The following OPCML variants were observed in gnomAD, a reference collection of about 807,000 sequenced individuals.
OPCML encodes opioid binding protein/cell adhesion molecule like, also known as opioid-binding protein/cell adhesion molecule.
OPCML carries 13 observed loss-of-function variants against 37.8 expected under a neutral mutation model. That is an observed-to-expected ratio of 0.34 (90% CI 0.22 to 0.55). OPCML has a LOEUF of 0.55. OPCML is among the 20% of genes least tolerant of loss of function. The pLI, the probability that OPCML is intolerant of heterozygous loss-of-function variation, is 0.91. For missense variants in OPCML, 341 were observed against 435.6 expected (o/e 0.78, Z 1.93); for synonymous variants, 176 against 168.8 (o/e 1.04, Z -0.33).
intron 1 of OPCML, among the ~76,000 whole-genome samples, chr11:133,406,047 A>G (rs1472580763): frequency 6.6e-6 from 1 of 152,056 alleles, no homozygotes; most frequent in African/African-American, 2.4e-5. Flanking sequence ...CAGTCGGTCC[A>G]CTGGGTACGG....
chr11:133,148,473 G>A (rs200046550), intron 1 of OPCML, among the ~76,000 whole-genome samples: 29 of 152,320 alleles, frequency 1.9e-4, no homozygotes, highest in South Asian at 4.1e-4. Context: ...GGGAAGTATC[G>A]CTGGCTGTTG....
At chr11:132,840,992 G>C (rs764920152) in intron 2 of OPCML, among the ~76,000 whole-genome samples, 26 of 152,116 alleles carry the variant, frequency 1.7e-4, no homozygotes, top group Non-Finnish European at 3.4e-4. Context: ...GTGATCTTAG[G>C]GATGTTCTGT....
At position 133,206,600 on chromosome 11, in the gene OPCML, T is replaced by C. The variant is rs1939072018; in HGVS notation, c.62-263590A>G. 6.6e-6 allele frequency among the ~76,000 whole-genome samples: 1 copy of C among 152,174 alleles called. No individual in the cohort carries two copies. The highest frequency in any genetic ancestry group is 2.1e-4 in the South Asian group (1 of 4,836). On this transcript the variant is annotated intron_variant, in intron 1 of 7. Transcript: ENST00000524381. The surrounding 1 kb of genome is among the most constrained non-coding windows in gnomAD (Gnocchi z 4.7). ...GGTAGTAGATTTGGAAAGCTGTTTA[T>C]AGGCTGTTCCAAAAACCAAGCACCC...
chr11:132,975,499 C>G (rs73586461), intron 1 of OPCML, among the ~76,000 whole-genome samples: 1,516 of 107,716 alleles, frequency 0.014, 33 homozygotes, highest in African/African-American at 0.051. Context: ...CCCAACTTCT[C>G]CAGCCTGGAT....
At chr11:132,433,446 A>G (rs1006110537) in intron 7 of OPCML, among the ~76,000 whole-genome samples, 2 of 152,174 alleles carry the variant, frequency 1.3e-5, no homozygotes, top group Non-Finnish European at 2.9e-5. Flanking sequence ...AACCTGATTT[A>G]ATCCTGTCAC....
rs78298423 is a variant in OPCML, at chr11:133,337,057, G to C, written c.61+195207C>G. On this transcript the variant is annotated intron_variant, in intron 1 of 7. Transcript: ENST00000524381. ...CACACAGGCACAGCATCTTATCTTA[G>C]AGGCAAAAGAGAAGCGCGCAACCCC... Among the ~76,000 whole-genome samples, 1,483 of 152,320 alleles carry C rather than the reference G, an allele frequency of 9.7e-3. 27 individuals carry two copies. Among genetic ancestry groups the C allele is most frequent in the African/African-American group, 0.032 (1,345 of 41,564 alleles).
chr11:133,492,706 T>C (rs1224610899), intron 1 of OPCML, among the ~76,000 whole-genome samples: 1 of 132,568 alleles, frequency 7.5e-6, no homozygotes, highest in African/African-American at 3.3e-5. Context: ...AGCAGGCAAT[T>C]ACTGCCAAAA....
rs1378706794 is a variant in OPCML at position 133,286,904 on chromosome 11, A to G, written c.61+245360T>C. Among the ~76,000 whole-genome samples, 3 of 152,192 alleles carry G rather than the reference A, an allele frequency of 2.0e-5. No homozygotes were observed. In the East Asian group the frequency reaches 5.8e-4, roughly 29 times the overall value. On this transcript the variant is annotated intron_variant, in intron 1 of 7. Transcript: ENST00000524381. ...GAGGCACTGTGCAGAGGAAGTTTGGATGATTTAGAAAAAGTGAAATATATC... is the reference window on the plus strand; with the variant it reads ...GAGGCACTGTGCAGAGGAAGTTTGGGTGATTTAGAAAAAGTGAAATATATC...
chr11:132,941,880 G>C (rs1408097674), intron 2 of OPCML, among the ~76,000 whole-genome samples: 2 of 152,180 alleles, frequency 1.3e-5, no homozygotes, highest in African/African-American at 4.8e-5. Flanking sequence ...ATGCAGGAAA[G>C]GTTCCACCAG....
At chr11:133,404,842 A>G (rs564972074) in intron 1 of OPCML, among the ~76,000 whole-genome samples, 3 of 152,260 alleles carry the variant, frequency 2.0e-5, no homozygotes. Flanking sequence ...TGCTTTGATG[A>G]AGTTTAGTCT....
chr11:132,968,398 A>G (rs1002641868), intron 1 of OPCML, among the ~76,000 whole-genome samples: 4 of 152,192 alleles, frequency 2.6e-5, no homozygotes, highest in African/African-American at 9.6e-5. Context: ...GTCCTGAGGT[A>G]TGGCAGGGCA....
intron 2 of OPCML, among the ~76,000 whole-genome samples, chr11:132,805,087 C>T (rs1009998262): frequency 3.0e-4 from 45 of 151,928 alleles, no homozygotes; most frequent in African/African-American, 8.2e-4. Context: ...GAAATTGAAA[C>T]GATAGAAACA....
chr11:133,247,736 G>A (rs1940991905), intron 1 of OPCML, among the ~76,000 whole-genome samples: 1 of 151,640 alleles, frequency 6.6e-6, no homozygotes, highest in Admixed American at 6.6e-5. Context: ...CCAAGTAGCT[G>A]GGACTATCCA....
chr11:132,647,880 C>T (rs1284857579), intron 3 of OPCML, among the ~76,000 whole-genome samples: 1 of 152,166 alleles, frequency 6.6e-6, no homozygotes, highest in East Asian at 1.9e-4. Context: ...TGCTTCACTT[C>T]TATTGCTCTT....
chr11:132,716,352 AATCT>A (rs1197119083), intron 2 of OPCML, among the ~76,000 whole-genome samples: 6 of 152,204 alleles, frequency 3.9e-5, no homozygotes, highest in Admixed American at 2.6e-4. Flanking sequence ...TGGGAACAAA[AATCT>A]ATCTATCTGT....
chr11:132,800,010 G>A (rs1443222677), intron 2 of OPCML, among the ~76,000 whole-genome samples: 1 of 152,116 alleles, frequency 6.6e-6, no homozygotes, highest in East Asian at 1.9e-4. Context: ...TGACCAATTT[G>A]GTAACTATTG....
At chr11:132,739,512 A>T (rs1166446906) in intron 2 of OPCML, among the ~76,000 whole-genome samples, 1 of 152,222 alleles carries the variant, frequency 6.6e-6, no homozygotes, top group Admixed American at 6.5e-5. Flanking sequence ...TCAACCAGCT[A>T]TAGCCAAGAA....
At chr11:132,557,760 C>T (rs2096399093) in intron 3 of OPCML, among the ~76,000 whole-genome samples, 1 of 152,130 alleles carries the variant, frequency 6.6e-6, no homozygotes, top group Non-Finnish European at 1.5e-5. Flanking sequence ...TTGAGTTGCA[C>T]TATCTGCATG....
chr11:133,179,175 A>C (rs1471426261), intron 1 of OPCML, among the ~76,000 whole-genome samples: 1 of 152,216 alleles, frequency 6.6e-6, no homozygotes. Flanking sequence ...CTTTGGAAAT[A>C]CATAGGCACC....
Sources: allele counts gnomAD v4.1 joint callset (sites outside exome capture counted in the v4.1 genomes callset), GRCh38; gene constraint gnomAD v4.1.1; non-coding constraint Gnocchi (gnomAD v3.1); transcripts MANE v1.5; gene names NCBI Gene and HGNC (gene_info 2026-07-23, HGNC 2026-07-21).